Variants in VWA8 observed in about 807,000 individuals in gnomAD.
VWA8 encodes the protein von Willebrand factor A domain-containing protein 8.
In VWA8, 221 loss-of-function variants were observed where a neutral mutation model predicts 241.5. The ratio of observed to expected loss-of-function variants is 0.91; its 90% CI spans 0.82 to 1.02. VWA8 has a LOEUF of 1.02. Among genes scored for constraint, VWA8 ranks in the 50% least tolerant of loss-of-function variants. The pLI, the probability that VWA8 is intolerant of heterozygous loss-of-function variation, is 0.00. For missense variants in VWA8, 2,322 were observed against 2,328.7 expected, an observed-to-expected ratio of 1.00 and a Z score of 0.06; for synonymous variants, 852 against 827.1, an observed-to-expected ratio of 1.03 and a Z score of -0.52.
intron 29 of VWA8, among the ~76,000 whole-genome samples, chr13:41,696,967 G>A (rs1758946716): frequency 6.6e-6 from 1 of 152,148 alleles, no homozygotes; most frequent in Non-Finnish European, 1.5e-5. Flanking sequence ...ATTTGTTAAT[G>A]AATCCCAAGC....
intron 12 of VWA8, among the ~76,000 whole-genome samples, chr13:41,863,455 T>TTACA (rs1566485517): frequency 2.3e-5 from 2 of 87,196 alleles, no homozygotes; most frequent in Non-Finnish European, 4.8e-5. Flanking sequence ...ATATATATAT[T>TTACA]CACACACACA....
chr13:41,688,386 G>A (rs2045151481), intron 34 of VWA8, among the ~76,000 whole-genome samples: 1 of 152,066 alleles, frequency 6.6e-6, no homozygotes, highest in African/African-American at 2.4e-5. Context: ...TAAATGTTTA[G>A]TCAGAACACA....
intron 37 of VWA8, among the ~76,000 whole-genome samples, chr13:41,667,717 A>G (rs1282205370): frequency 6.6e-6 from 1 of 152,236 alleles, no homozygotes; most frequent in African/African-American, 2.4e-5. Context: ...AGACAAATGT[A>G]ACTAAGTATG....
intron 12 of VWA8, among the ~76,000 whole-genome samples, chr13:41,856,435 G>T (rs1039383058): frequency 2.0e-5 from 3 of 152,208 alleles, no homozygotes; most frequent in Admixed American, 6.5e-5. Flanking sequence ...TTGGGGTACA[G>T]AATGAGTTGT....
At chr13:41,956,330 G>T (rs1216470264) in intron 1 of VWA8, among the ~76,000 whole-genome samples, 2 of 152,170 alleles carry the variant, frequency 1.3e-5, no homozygotes, top group Non-Finnish European at 2.9e-5. Context: ...CTGGGTTAGT[G>T]TCATCATTTT....
chr13:41,852,960 T>C (rs1336472091), intron 12 of VWA8, among the ~76,000 whole-genome samples: 1 of 151,866 alleles, frequency 6.6e-6, no homozygotes, highest in Non-Finnish European at 1.5e-5. Context: ...AATTTTAGTA[T>C]TTTTTTTCCA....
Position 41,886,029 on chromosome 13 carries a change from C to CT in VWA8, c.867-2dup. Reference sequence around the variant, plus strand: ...GGCAAAGGACAAGAGCTGAGAAACTCTAAGGGAAAAATGATATTAAATTTT... The same window carrying CT: ...GGCAAAGGACAAGAGCTGAGAAACTCTTAAGGGAAAAATGATATTAAATTTT... On this transcript the variant is annotated splice_acceptor_variant, in intron 7 of 44. Coordinates refer to ENST00000379310, the MANE Select transcript of VWA8 (RefSeq NM_015058.2). LOFTEE classifies it high-confidence loss of function. The CT allele has an allele frequency of 6.4e-7, 1 of 1,566,100 alleles. No individual in the cohort carries two copies. Among genetic ancestry groups the CT allele is most frequent in the Non-Finnish European group, 8.6e-7 (1 of 1,158,332 alleles).
intron 2 of VWA8, chr13:41,926,432 A>G: frequency 1.9e-6 from 1 of 528,848 alleles, no homozygotes; most frequent in Non-Finnish European, 3.7e-6. Context: ...AGCTGTGGCC[A>G]AGCTTTTCAT....
intron 12 of VWA8, among the ~76,000 whole-genome samples, chr13:41,843,665 C>T (rs1376205558): frequency 1.3e-5 from 2 of 151,956 alleles, no homozygotes; most frequent in South Asian, 2.1e-4. Flanking sequence ...ACATTACAAC[C>T]GATCCTACAG....
intron 12 of VWA8, among the ~76,000 whole-genome samples, chr13:41,852,702 T>C (rs1313734277): frequency 6.6e-6 from 1 of 152,170 alleles, no homozygotes; most frequent in Non-Finnish European, 1.5e-5. Flanking sequence ...CAGTACTATT[T>C]ATTGAAAAGA....
chr13:41,772,000 C>T (rs1460364960), intron 20 of VWA8, among the ~76,000 whole-genome samples: 4 of 148,962 alleles, frequency 2.7e-5, no homozygotes, highest in Non-Finnish European at 5.9e-5. Flanking sequence ...AAGCGATTCT[C>T]CCGCCTCAGC....
intron 21 of VWA8, among the ~76,000 whole-genome samples, chr13:41,746,585 A>G (rs2045608755): frequency 6.6e-6 from 1 of 152,222 alleles, no homozygotes; most frequent in Non-Finnish European, 1.5e-5. Flanking sequence ...AATTTGGTAA[A>G]CGTTTTTATG....
intron 37 of VWA8, among the ~76,000 whole-genome samples, chr13:41,633,938 C>T (rs1422769671): frequency 1.3e-5 from 2 of 152,184 alleles, no homozygotes; most frequent in Non-Finnish European, 2.9e-5. Context: ...AGTTCCCCTG[C>T]CTCTGCTTCC....
intron 21 of VWA8, among the ~76,000 whole-genome samples, chr13:41,734,096 T>G (rs149242095): frequency 2.8e-4 from 42 of 152,302 alleles, no homozygotes; most frequent in East Asian, 2.1e-3. Flanking sequence ...TCCCGGCACT[T>G]TGTGAGGCTG....
At chr13:41,612,873 T>C (rs1179967338) in intron 38 of VWA8, among the ~76,000 whole-genome samples, 1 of 152,212 alleles carries the variant, frequency 6.6e-6, no homozygotes, top group African/African-American at 2.4e-5. Context: ...AACTTCTCTG[T>C]GTCTCAGGCT....
At chr13:41,643,868 C>G (rs2044813191) in intron 37 of VWA8, among the ~76,000 whole-genome samples, 1 of 141,892 alleles carries the variant, frequency 7.0e-6, no homozygotes, top group South Asian at 2.4e-4. Flanking sequence ...GAGCCTTTTT[C>G]TAATTTCATA....
chr13:41,756,544 A>T (rs567160258), intron 21 of VWA8, among the ~76,000 whole-genome samples: 1 of 151,836 alleles, frequency 6.6e-6, no homozygotes, highest in African/African-American at 2.4e-5. Flanking sequence ...AGCCATCCTT[A>T]AGGAAAAAAT....
chr13:41,627,203 C>T (rs968389356), intron 37 of VWA8, among the ~76,000 whole-genome samples: 1 of 152,102 alleles, frequency 6.6e-6, no homozygotes, highest in Non-Finnish European at 1.5e-5. Context: ...AAATCACAAC[C>T]ACAATGAGAT....
chr13:41,717,771 C>T (rs1403138157), intron 26 of VWA8, among the ~76,000 whole-genome samples: 1 of 152,010 alleles, frequency 6.6e-6, no homozygotes, highest in Non-Finnish European at 1.5e-5. Context: ...GAAATTATAG[C>T]CTACTCTGAT....
Sources: allele counts gnomAD v4.1 joint callset (sites outside exome capture counted in the v4.1 genomes callset), GRCh38; gene constraint gnomAD v4.1.1; transcripts MANE v1.5; gene names NCBI Gene and HGNC (gene_info 2026-07-23, HGNC 2026-07-21).